PPP3CA: variants seen among roughly 807,000 people sequenced by gnomAD.
The protein encoded by PPP3CA is CAM-PRP catalytic subunit.
PPP3CA carries 14 observed loss-of-function variants against 66.5 expected under a neutral mutation model. That is an observed-to-expected ratio of 0.21 (90% CI 0.14 to 0.33). PPP3CA has a LOEUF of 0.33. Ranked by LOEUF, PPP3CA falls within the 10% of genes least tolerant of loss-of-function variation. The probability of loss-of-function intolerance (pLI) is 1.00; values close to 1 mark genes in which losing one functional copy is unlikely to be tolerated. For synonymous variants in PPP3CA, 232 were observed against 226.2 expected, an observed-to-expected ratio of 1.03 and a Z score of -0.23; for missense variants, 317 against 639.5, an observed-to-expected ratio of 0.50 and a Z score of 5.44.
chr4:101,155,061 C>T (rs1265915473), intron 2 of PPP3CA, among the ~76,000 whole-genome samples: 3 of 152,034 alleles, frequency 2.0e-5, no homozygotes, highest in Non-Finnish European at 4.4e-5. Flanking sequence ...ATGATCTGCC[C>T]GCCTCGGCCT....
chr4:101,056,751 T>A (rs1343356257), intron 10 of PPP3CA, among the ~76,000 whole-genome samples: 9 of 147,880 alleles, frequency 6.1e-5, no homozygotes. Context: ...GCCAGCCCCA[T>A]AAGGGAGACA....
intron 1 of PPP3CA, among the ~76,000 whole-genome samples, chr4:101,316,763 A>G (rs1374420662): frequency 1.3e-5 from 2 of 152,216 alleles, no homozygotes; most frequent in Non-Finnish European, 2.9e-5. Context: ...TGTTATTGCT[A>G]AGTTAGTATT....
chr4:101,086,515 T>G (rs934114659), intron 6 of PPP3CA, among the ~76,000 whole-genome samples: 10 of 152,220 alleles, frequency 6.6e-5, no homozygotes, highest in African/African-American at 2.4e-4. Flanking sequence ...TCTTTAGCCA[T>G]GACATAGCTA....
At chr4:101,149,868 A>C (rs968307131) in intron 2 of PPP3CA, among the ~76,000 whole-genome samples, 5 of 152,164 alleles carry the variant, frequency 3.3e-5, no homozygotes, top group African/African-American at 9.6e-5. Flanking sequence ...TAAGGTCTTT[A>C]TGTAGATCAC....
intron 10 of PPP3CA, among the ~76,000 whole-genome samples, chr4:101,044,773 G>C (rs557286701): frequency 6.6e-6 from 1 of 152,084 alleles, no homozygotes; most frequent in Non-Finnish European, 1.5e-5. Context: ...AGACCAAGGG[G>C]ATCTTTAAAG....
At chr4:101,117,139 T>C (rs539413363) in intron 2 of PPP3CA, among the ~76,000 whole-genome samples, 1 of 151,932 alleles carries the variant, frequency 6.6e-6, no homozygotes, top group African/African-American at 2.4e-5. Flanking sequence ...CCAATGTTAA[T>C]GAGAAACAGT....
rs903453218 is a variant in PPP3CA at position 101,343,240 on chromosome 4, G to A, written c.58+3499C>T. On this transcript the variant is annotated intron_variant, in intron 1 of 13. Transcript: ENST00000394854. ...GGAACAGAGGGAAGGTAGGTTAAGA[G>A]ATTTAACAAAGCCAAATACTCATTA... Among the ~76,000 whole-genome samples the A allele has an allele frequency of 2.6e-5, 4 of 152,168 alleles. No individual in the cohort carries two copies. In the East Asian group the frequency reaches 5.8e-4, roughly 22 times the overall value.
chr4:101,313,296 G>A (rs147297480), intron 1 of PPP3CA, among the ~76,000 whole-genome samples: 1 of 152,232 alleles, frequency 6.6e-6, no homozygotes, highest in Admixed American at 6.5e-5. Flanking sequence ...CAAAGTGCTA[G>A]GATTAGAGGT....
chr4:101,061,269 T>C, intron 9 of PPP3CA, 108 bp from the exon 10 acceptor site: 2 of 939,882 alleles, frequency 2.1e-6, no homozygotes, highest in Non-Finnish European at 3.4e-6. Context: ...TCTTATTTAG[T>C]TTGTATATAG....
rs76191268 is a variant in PPP3CA, at chr4:101,266,358, T to C, written c.59-70242A>G. On this transcript the variant is annotated intron_variant, in intron 1 of 13. Coordinates refer to ENST00000394854, the MANE Select transcript of PPP3CA (RefSeq NM_000944.5). ...TTACATCATAGGTACAAAAAATAAA[T>C]AGGATTATTAAGTGAATGCATTTTT... 8.7e-3 allele frequency among the ~76,000 whole-genome samples: 1,319 copies of C among 152,258 alleles called. 11 individuals carry two copies. Among genetic ancestry groups the C allele is most frequent in the African/African-American group, 0.029 (1,205 of 41,546 alleles).
chr4:101,279,046 G>GCATAAAA (rs1294945073), intron 1 of PPP3CA, among the ~76,000 whole-genome samples: 1 of 152,104 alleles, frequency 6.6e-6, no homozygotes, highest in East Asian at 1.9e-4. Flanking sequence ...AGACTTAGAA[G>GCATAAAA]CATAAAATTA....
intron 10 of PPP3CA, among the ~76,000 whole-genome samples, chr4:101,052,110 T>A (rs1728037219): frequency 2.0e-5 from 3 of 152,078 alleles, no homozygotes; most frequent in Admixed American, 2.0e-4. Flanking sequence ...AACACATTTG[T>A]GCAATCATAG....
intron 1 of PPP3CA, among the ~76,000 whole-genome samples, chr4:101,276,210 A>G (rs1375785445): frequency 6.6e-6 from 1 of 152,034 alleles, no homozygotes; most frequent in South Asian, 2.1e-4. Flanking sequence ...AAGGTTTTGT[A>G]TCGAGATTAC....
At chr4:101,105,107 A>T (rs2110258930) in intron 3 of PPP3CA, among the ~76,000 whole-genome samples, 1 of 152,306 alleles carries the variant, frequency 6.6e-6, no homozygotes, top group South Asian at 2.1e-4. Context: ...TAGACTTTAA[A>T]AAAATCTGCT....
intron 1 of PPP3CA, among the ~76,000 whole-genome samples, chr4:101,278,661 T>C (rs1425584859): frequency 2.0e-5 from 3 of 152,210 alleles, no homozygotes; most frequent in South Asian, 4.1e-4. Flanking sequence ...ATGTTATATA[T>C]AGGTAGGGTT....
intron 1 of PPP3CA, among the ~76,000 whole-genome samples, chr4:101,305,076 C>G (rs902135936): frequency 3.9e-5 from 6 of 152,202 alleles, no homozygotes; most frequent in African/African-American, 1.4e-4. Context: ...GACATTCAGG[C>G]TTTGCAGGGT....
rs116229843 is a variant in PPP3CA at position 101,166,572 on chromosome 4, G to C, written c.259+29344C>G. 3.9e-3 allele frequency among the ~76,000 whole-genome samples: 596 copies of C among 152,230 alleles called. 5 individuals are homozygous for C. The highest frequency in any genetic ancestry group is 0.014 in the African/African-American group (563 of 41,546). ...CTGAATTCAATTTCTCATTGCTTAG[G>C]TCATGTTTGCAAGTGGCCCACCCTG... On this transcript the variant is annotated intron_variant, in intron 2 of 13. Coordinates refer to ENST00000394854, the MANE Select transcript of PPP3CA (RefSeq NM_000944.5).
intron 1 of PPP3CA, among the ~76,000 whole-genome samples, chr4:101,212,069 ATTTG>A (rs1482653210): frequency 6.6e-6 from 1 of 152,074 alleles, no homozygotes; most frequent in Non-Finnish European, 1.5e-5. Flanking sequence ...ATGAATTCAA[ATTTG>A]TTTAACTTAT....
At chr4:101,224,728 G>C (rs920984609) in intron 1 of PPP3CA, among the ~76,000 whole-genome samples, 5 of 151,908 alleles carry the variant, frequency 3.3e-5, no homozygotes, top group South Asian at 2.1e-4. Flanking sequence ...TCGGGGCAGG[G>C]GGGATGGTGC....
Sources: gnomAD v4.1 joint callset for allele counts (sites outside exome capture counted in the v4.1 genomes callset) on GRCh38, gnomAD v4.1.1 for gene constraint, MANE v1.5 for transcripts, NCBI Gene and HGNC (gene_info 2026-07-23, HGNC 2026-07-21) for gene names.